RAD50: variants seen among roughly 807,000 people sequenced by gnomAD.
RAD50 encodes the protein DNA repair protein RAD50.
A neutral mutation model predicts 168.8 loss-of-function variants in RAD50; 132 were observed. The ratio of observed to expected loss-of-function variants is 0.78; its 90% confidence interval spans 0.68 to 0.90. The LOEUF (loss-of-function observed/expected upper bound fraction) is 0.90. RAD50 is among the 40% of genes least tolerant of loss of function. RAD50 has a pLI of 0.00. For missense variants in RAD50, 1,347 were observed against 1,534.4 expected, an observed-to-expected ratio of 0.88 and a Z score of 2.04; for synonymous variants, 525 against 497.4, an observed-to-expected ratio of 1.06 and a Z score of -0.74.
intron 2 of RAD50, among the ~76,000 whole-genome samples, chr5:132,572,572 A>C (rs892434797): frequency 6.6e-6 from 1 of 152,062 alleles, no homozygotes; most frequent in Non-Finnish European, 1.5e-5. Context: ...AGAAGACATC[A>C]GAAAAAATAG....
intron 20 of RAD50, among the ~76,000 whole-genome samples, chr5:132,617,669 G>C (rs1241359316): frequency 1.3e-5 from 2 of 152,110 alleles, no homozygotes; most frequent in Admixed American, 6.5e-5. Context: ...TTTGACATGA[G>C]CAAAATGATG....
chr5:132,570,898 T>C (rs2522398), intron 2 of RAD50, among the ~76,000 whole-genome samples: 17,937 of 152,194 alleles, frequency 0.12, 3,407 homozygotes, highest in African/African-American at 0.4. Flanking sequence ...TCATTTCTAG[T>C]TTTTGATTTA....
chr5:132,566,773 T>C (rs753816167), intron 2 of RAD50, among the ~76,000 whole-genome samples: 1 of 152,246 alleles, frequency 6.6e-6, no homozygotes, highest in East Asian at 1.9e-4. Context: ...ACATTTTAGG[T>C]TGATACTCTT....
intron 1 of RAD50, 44 bp from the exon 2 acceptor site, chr5:132,559,240 G>C (rs372021528): frequency 3.9e-6 from 6 of 1,535,274 alleles, no homozygotes; most frequent in Non-Finnish European, 4.4e-6. Flanking sequence ...GTAAACTTCT[G>C]TGGTTCTCTT....
intron 21 of RAD50, among the ~76,000 whole-genome samples, chr5:132,629,019 A>G (rs1751417013): frequency 1.3e-5 from 2 of 152,152 alleles, no homozygotes; most frequent in Middle Eastern, 3.2e-3. Context: ...TTTTGCTGCA[A>G]GGTCAGCTCT....
At chr5:132,625,407 G>A (rs1189171095) in intron 21 of RAD50, among the ~76,000 whole-genome samples, 2 of 152,254 alleles carry the variant, frequency 1.3e-5, no homozygotes, top group East Asian at 3.9e-4. Flanking sequence ...TTTAAAAAAA[G>A]TTTTATTCTT....
rs1183659957 is a variant in RAD50, at chr5:132,644,398, C to T, written c.*2034C>T. 1 of 171,416 alleles carries T rather than the reference C, an allele frequency of 5.8e-6. No homozygotes were observed. Among genetic ancestry groups the T allele is most frequent in the Non-Finnish European group, 1.3e-5 (1 of 79,030 alleles). 10.6% of individuals were successfully genotyped at this position (171,416 alleles called of 1,614,324 possible). ...AGCATGGATGGAGGTTAGAATGAGC[C>T]AGACTGCCTGGGCTCAAATCCTAGC... On this transcript the variant is annotated 3_prime_UTR_variant, in exon 25 of 25. Coordinates refer to ENST00000378823, the MANE Select transcript of RAD50 (RefSeq NM_005732.4).
At chr5:132,592,159 C>G (rs544097697) in intron 11 of RAD50, 125 bp downstream of exon 11, 2 of 1,009,188 alleles carry the variant, frequency 2.0e-6, no homozygotes, top group African/African-American at 3.3e-5. Flanking sequence ...TTCTTACATA[C>G]AAGGAGACTT....
chr5:132,604,881 C>T lies in RAD50; in HGVS notation c.2600C>T (p.Thr867Ile). 1 of 1,613,544 alleles carries T rather than the reference C, an allele frequency of 6.2e-7. No homozygotes were observed. Among genetic ancestry groups the T allele is most frequent in the Non-Finnish European group, 8.5e-7 (1 of 1,179,580 alleles). Residue 867 changes from threonine (T) to isoleucine (I), a missense_variant, in exon 16 of 25, where the codon ACA (threonine) becomes ATA (isoleucine). By Grantham distance (89) the Thr-to-Ile change is moderately conservative. Transcript: ENST00000378823. ...QEQIQHLKST[T>I]NELKSEKLQI... ...CAGATTCAACATCTAAAAAGTACAACAAATGAGCTAAAATCTGAGAAACTT... is the reference window on the plus strand; with the variant it reads ...CAGATTCAACATCTAAAAAGTACAATAAATGAGCTAAAATCTGAGAAACTT...
Position 132,606,397 on chromosome 5 carries a change from C to T in RAD50, c.2718+1398C>T, listed in dbSNP as rs145780458. ...AAATGGATAAATTCGTGGATACATA[C>T]ACCCTCCCAAGTCTAATCCAGGAAG... is the stretch of plus-strand genomic sequence containing the variant. On this transcript the variant is annotated intron_variant, in intron 16 of 24. Transcript: ENST00000378823. Among the ~76,000 whole-genome samples, 832 of 152,278 alleles carry T rather than the reference C, an allele frequency of 5.5e-3. 10 individuals are homozygous for T. The highest frequency in any genetic ancestry group is 0.018 in the African/African-American group (744 of 41,554).
chr5:132,560,588 A>G (rs1376431348), intron 2 of RAD50, among the ~76,000 whole-genome samples: 1 of 152,214 alleles, frequency 6.6e-6, no homozygotes, highest in Non-Finnish European at 1.5e-5. Flanking sequence ...CAATCATCAC[A>G]TCTACGAAAC....
Position 132,580,004 on chromosome 5 carries a change from G to A in RAD50, c.694G>A (p.Ala232Thr), listed in dbSNP as rs1364740686. 2 of 1,613,362 alleles carry A rather than the reference G, an allele frequency of 1.2e-6. No individual in the cohort carries two copies. Among genetic ancestry groups the A allele is most frequent in the Non-Finnish European group, 1.7e-6 (2 of 1,179,424 alleles). ...EIRDQITSKE[A>T]QLTSSKEIVK... ...TCGTGATCAGATTACAAGTAAGGAA[G>A]CCCAGTTAACATCTTCAAAGGAAAT... The change falls in exon 5 of 25, where the codon GCC (alanine) becomes ACC (threonine). Residue 232 changes from alanine to threonine, a missense_variant. Physicochemically the swap from Ala to Thr is moderately conservative, Grantham distance 58. Around this residue, in one of 3 missense-constraint regions of RAD50, gnomAD observed 703 missense variants for 767.7 expected, o/e 0.92. Transcript: ENST00000378823.
At chr5:132,623,596 T>C (rs1751321693) in intron 21 of RAD50, among the ~76,000 whole-genome samples, 1 of 152,222 alleles carries the variant, frequency 6.6e-6, no homozygotes, top group Non-Finnish European at 1.5e-5. Context: ...GGGATTTCCC[T>C]TTCTTTCTTG....
chr5:132,626,979 C>G (rs1480113013), intron 21 of RAD50, among the ~76,000 whole-genome samples: 1 of 152,072 alleles, frequency 6.6e-6, no homozygotes, highest in African/African-American at 2.4e-5. Context: ...CTCTTGGGTT[C>G]AAGCGATTCT....
chr5:132,594,742 A>T, intron 11 of RAD50, 127 bp from the exon 12 acceptor site: 1 of 979,504 alleles, frequency 1.0e-6, no homozygotes, highest in Non-Finnish European at 1.6e-6. Context: ...TTCTGAAAAA[A>T]ATTATTTGGT....
chr5:132,557,297 C>T lies in RAD50; in HGVS notation c.-28C>T. 2 of 1,613,576 alleles carry T rather than the reference C, an allele frequency of 1.2e-6. No individual in the cohort carries two copies. The highest frequency in any genetic ancestry group is 1.7e-6 in the Non-Finnish European group (2 of 1,179,452). On this transcript the variant is annotated 5_prime_UTR_variant, in exon 1 of 25. Transcript: ENST00000378823. ...GTTAAGCCTTTGTGGGCTCCAGGTC[C>T]CTGGTGAGATTAGAAACGTTTGCAA...
In RAD50 at chr5:132,558,049, A is replaced by G. The variant is rs368039495; in HGVS notation, c.129+596A>G. Among the ~76,000 whole-genome samples, 425 of 152,040 alleles carry G rather than the reference A, an allele frequency of 2.8e-3. 2 individuals carry two copies. Among genetic ancestry groups the G allele is most frequent in the South Asian group, 0.017 (84 of 4,822 alleles). ...GCCGTGGGAATATTTATAAATTTGA[A>G]TGGAAAGAATAACCAAGAGGCATTC... On this transcript the variant is annotated intron_variant, in intron 1 of 24. Transcript: ENST00000378823.
At chr5:132,596,166 G>A (rs576644805) in intron 13 of RAD50, among the ~76,000 whole-genome samples, 81 of 152,076 alleles carry the variant, frequency 5.3e-4, no homozygotes, top group Admixed American at 2.0e-3. Flanking sequence ...GCTAATTTTT[G>A]TAATTTTTAG....
At chr5:132,593,189 A>C in intron 11 of RAD50, 1 of 191,192 alleles carries the variant, frequency 5.2e-6, no homozygotes, top group East Asian at 1.2e-4. Flanking sequence ...AGTATCAATG[A>C]TTTCACCATT....
Sources: allele counts gnomAD v4.1 joint callset (sites outside exome capture counted in the v4.1 genomes callset), GRCh38; gene constraint gnomAD v4.1.1; regional missense constraint gnomAD v4.1.1; transcripts MANE v1.5; gene names NCBI Gene and HGNC (gene_info 2026-07-23, HGNC 2026-07-21).